The following CELF2 variants were observed in gnomAD, a reference collection of about 807,000 sequenced individuals.
CELF2 encodes the protein CUG triplet repeat RNA-binding protein 2.
In CELF2, 8 loss-of-function variants were observed where a neutral mutation model predicts 62.6. That is an observed-to-expected ratio of 0.13 (90% CI 0.07 to 0.23). The LOEUF is 0.23. Ranked by LOEUF, CELF2 falls within the 10% of genes least tolerant of loss-of-function variation. The probability of loss-of-function intolerance (pLI) is 1.00; values close to 1 mark genes in which losing one functional copy is unlikely to be tolerated. For synonymous variants in CELF2, 258 were observed against 250.0 expected (o/e 1.03, Z -0.30); for missense variants, 333 against 671.0 (o/e 0.50, Z 5.56).
At chr10:10,599,857 G>A in the CELF2 span, among the ~76,000 whole-genome samples, 2 of 150,228 alleles carry the variant, frequency 1.3e-5, no homozygotes, top group African/African-American at 4.9e-5. Flanking sequence ...TCAGCCTCCC[G>A]AGTAGCTGGG....
At chr10:10,960,553 G>A (rs568520996) in intron 2 of CELF2, among the ~76,000 whole-genome samples, 11 of 152,190 alleles carry the variant, frequency 7.2e-5, no homozygotes, top group Non-Finnish European at 1.5e-4. Context: ...TTGATTCATC[G>A]GAGAAAGATT....
the CELF2 span, among the ~76,000 whole-genome samples, chr10:10,644,827 AC>A: frequency 6.6e-6 from 1 of 152,154 alleles, no homozygotes; most frequent in African/African-American, 2.4e-5. Context: ...CACAGTTGCC[AC>A]CCAGACAACT....
At chr10:10,680,009 G>A in the CELF2 span, among the ~76,000 whole-genome samples, 1 of 151,946 alleles carries the variant, frequency 6.6e-6, no homozygotes, top group African/African-American at 2.4e-5. Context: ...GTATATTTAC[G>A]GGTTAAAGAA....
intron 1 of CELF2, among the ~76,000 whole-genome samples, chr10:10,860,379 A>T (rs2059982688): frequency 6.6e-6 from 1 of 152,214 alleles, no homozygotes. Context: ...AATGTGTCCC[A>T]GATGTCCTCA....
the CELF2 span, among the ~76,000 whole-genome samples, chr10:10,521,355 C>T: frequency 8.5e-5 from 13 of 152,220 alleles, no homozygotes; most frequent in Non-Finnish European, 1.5e-4. Flanking sequence ...GAATTGGGAG[C>T]CTCCAAAATG....
rs933215471 is a variant in CELF2, at chr10:11,334,129, A to C, written c.*5076A>C. 1.3e-5 allele frequency: 2 copies of C among 152,664 alleles called. No homozygotes were observed. Among genetic ancestry groups the C allele is most frequent in the African/African-American group, 2.4e-5 (1 of 41,462 alleles). The allele number at this position is 152,664 out of a possible 1,614,324, so 9.5% of individuals were successfully genotyped here. A position where few individuals can be genotyped will look rare whatever the true frequency, so the allele number is the denominator to read the frequency against. On this transcript the variant is annotated 3_prime_UTR_variant, in exon 13 of 13. Coordinates refer to ENST00000633077, the MANE Select transcript of CELF2 (RefSeq NM_001326342.2). ...TTATTCTGTATTGTGCAGTTACACA[A>C]TAAGGTAATTAGATTTAGAAGTACT...
At chr10:10,619,208 G>C in the CELF2 span, among the ~76,000 whole-genome samples, 2 of 152,174 alleles carry the variant, frequency 1.3e-5, no homozygotes, top group Non-Finnish European at 1.5e-5. Flanking sequence ...TTCTTTGTTA[G>C]AAAAAGAAAT....
chr10:11,139,421 T>C (rs2060941407), intron 1 of CELF2, among the ~76,000 whole-genome samples: 1 of 152,240 alleles, frequency 6.6e-6, no homozygotes. Flanking sequence ...AGGATTATTT[T>C]TGAACCCTTG....
chr10:10,679,843 C>T, the CELF2 span, among the ~76,000 whole-genome samples: 5 of 152,244 alleles, frequency 3.3e-5, no homozygotes, highest in Admixed American at 6.5e-5. Flanking sequence ...ATTCCTTTTT[C>T]TCCTTCAATT....
chr10:10,807,216 A>T (rs908758207), intron 1 of CELF2, among the ~76,000 whole-genome samples: 1 of 152,196 alleles, frequency 6.6e-6, no homozygotes, highest in Non-Finnish European at 1.5e-5. Context: ...CTTTGGGTAA[A>T]TTCCTTTTCT....
chr10:10,962,239 C>G (rs907442647), intron 2 of CELF2, among the ~76,000 whole-genome samples: 6 of 152,176 alleles, frequency 3.9e-5, no homozygotes, highest in African/African-American at 1.4e-4. Context: ...ACCACAGCAC[C>G]ACAGCACCAC....
chr10:11,063,583 T>A (rs533322778), intron 1 of CELF2, among the ~76,000 whole-genome samples: 51 of 152,364 alleles, frequency 3.3e-4, no homozygotes, highest in African/African-American at 1.2e-3. Flanking sequence ...TAAAATGCCT[T>A]AGAATATAGT....
the CELF2 span, among the ~76,000 whole-genome samples, chr10:10,636,675 T>G: frequency 6.6e-6 from 1 of 152,206 alleles, no homozygotes; most frequent in Non-Finnish European, 1.5e-5. Context: ...TCAGTTTCTC[T>G]TTGATTTCTG....
At position 10,937,121 on chromosome 10, in the gene CELF2, C is replaced by CT. The variant is rs373143426; in HGVS notation, c.89+17144dup. Among the ~76,000 whole-genome samples, 800 of 90,484 alleles carry CT rather than the reference C, an allele frequency of 8.8e-3. 22 individuals carry two copies. The highest frequency in any genetic ancestry group is 0.016 in the African/African-American group (303 of 19,456). The allele number at this position is 90,484 out of a possible 152,430, so 59.4% of individuals were successfully genotyped here. A position where few individuals can be genotyped will look rare whatever the true frequency, so the allele number is the denominator to read the frequency against. ...CTTTCTTCTTTTTTGTTTTTCTTTT[C>CT]TTTTTTTTTTTTTTTTTTTTTTCGT... On this transcript the variant is annotated intron_variant, in intron 2 of 13. Coordinates refer to the CELF2 transcript ENST00000636488.
At chr10:10,929,920 AT>A (rs1451838188) in intron 2 of CELF2, among the ~76,000 whole-genome samples, 1 of 152,242 alleles carries the variant, frequency 6.6e-6, no homozygotes, top group Non-Finnish European at 1.5e-5. Flanking sequence ...AAAGCATTAA[AT>A]GTAAAAGTCC....
At chr10:11,003,348 A>G (rs1326349501), upstream of CELF2, among the ~76,000 whole-genome samples, 1 of 152,254 alleles carries the variant, frequency 6.6e-6, no homozygotes, top group Non-Finnish European at 1.5e-5. The surrounding 1 kb of genome is among the most constrained non-coding windows in gnomAD (Gnocchi z 4.4). Flanking sequence ...TGGATAAGCA[A>G]CTGCATTATT....
At chr10:11,059,573 G>C (rs1033660553) in intron 1 of CELF2, among the ~76,000 whole-genome samples, 1 of 152,180 alleles carries the variant, frequency 6.6e-6, no homozygotes, top group East Asian at 1.9e-4. Flanking sequence ...TCTTGTTTCT[G>C]TGCCTCAAAG....
rs376720971 is a variant in CELF2 at position 11,165,627 on chromosome 10, C to T, written c.216C>T (p.Ala72=). The T allele has an allele frequency of 2.2e-4, 362 of 1,614,156 alleles. No individual in the cohort carries two copies. The African/African-American group carries it at 2.7e-3, about 12-fold the overall frequency. ...AAGAACTTTTTGAGCCTTACGGAGC[C>T]GTCTACCAGATCAACGTCCTCCGGG... is the stretch of plus-strand genomic sequence containing the variant. ...ELKELFEPYG[A]VYQINVLRDR... is the part of the protein sequence containing the mutation. Residue 72 remains alanine, a synonymous_variant, in exon 2 of 13, where the codon GCC becomes GCT. Coordinates refer to ENST00000633077, the MANE Select transcript of CELF2 (RefSeq NM_001326342.2). This position sits in a 1 kb window ranked among gnomAD's most constrained non-coding sequence, Gnocchi z 7.4.
chr10:11,198,298 A>G (rs746722670), intron 2 of CELF2, among the ~76,000 whole-genome samples: 15 of 152,210 alleles, frequency 9.9e-5, no homozygotes, highest in Non-Finnish European at 1.6e-4. Context: ...TGACTGATAA[A>G]AACTGCATTC....
Sources: allele counts gnomAD v4.1 joint callset (sites outside exome capture counted in the v4.1 genomes callset), GRCh38; gene constraint gnomAD v4.1.1; non-coding constraint Gnocchi (gnomAD v3.1); transcripts MANE v1.5; gene names NCBI Gene and HGNC (gene_info 2026-07-23, HGNC 2026-07-21).